The following HSPA14 variants were observed in gnomAD, a reference collection of about 807,000 sequenced individuals.
The protein encoded by HSPA14 is heat shock protein family A (Hsp70) member 14, also known as heat shock 70 kDa protein 14.
Under a neutral mutation model 65.5 loss-of-function variants are expected in HSPA14, and 37 were observed. That is an observed-to-expected ratio of 0.56 (90% CI 0.43 to 0.74). HSPA14 has a LOEUF of 0.74. Among genes scored for constraint, HSPA14 ranks in the 30% least tolerant of loss-of-function variants. HSPA14 has a pLI of 0.00. For missense variants in HSPA14, 564 were observed against 607.6 expected (o/e 0.93, Z 0.75); for synonymous variants, 203 against 214.2 (o/e 0.95, Z 0.46).
At chr10:14,838,765 G>A (rs1439722041) in intron 1 of HSPA14, among the ~76,000 whole-genome samples, 1 of 152,120 alleles carries the variant, frequency 6.6e-6, no homozygotes, top group African/African-American at 2.4e-5. Context: ...TGCCCGGGGG[G>A]GTCCCGGAGA....
At chr10:14,838,543 C>A in intron 1 of HSPA14, 84 bp downstream of exon 1, 2 of 1,340,524 alleles carry the variant, frequency 1.5e-6, no homozygotes, top group African/African-American at 1.4e-5. Flanking sequence ...TTGAGAGCGG[C>A]GTGTCGCCGG....
intron 10 of HSPA14, among the ~76,000 whole-genome samples, chr10:14,864,164 G>A (rs1832783209): frequency 6.6e-6 from 1 of 150,686 alleles, no homozygotes; most frequent in African/African-American, 2.4e-5. Context: ...AGGAATTTGA[G>A]GCTGCAGTGA....
chr10:14,868,526 C>CACACACACACACAT (rs879368010), intron 12 of HSPA14, among the ~76,000 whole-genome samples: 6 of 152,078 alleles, frequency 3.9e-5, no homozygotes, highest in African/African-American at 1.4e-4. Flanking sequence ...CACACACACA[C>CACACACACACACAT]GGACTGCAGA....
At chr10:14,856,106 G>C (rs1195792972) in intron 10 of HSPA14, among the ~76,000 whole-genome samples, 163 bp downstream of exon 10, 1 of 152,102 alleles carries the variant, frequency 6.6e-6, no homozygotes, top group East Asian at 1.9e-4. Context: ...TAATGGCTCT[G>C]GTGAACTCAT....
Position 14,866,278 on chromosome 10 carries a change from G to A in HSPA14, c.994-805G>A, listed in dbSNP as rs147486881. ...CCTACAGCTGATGTTCCTCATGCTC[G>A]TACCTGGAGATTAATAGGGTGTCCC... is the stretch of plus-strand genomic sequence containing the variant. On this transcript the variant is annotated intron_variant, in intron 10 of 13. Coordinates refer to ENST00000378372, the MANE Select transcript of HSPA14 (RefSeq NM_016299.4). Among the ~76,000 whole-genome samples, 11 of 152,206 alleles carry A rather than the reference G, an allele frequency of 7.2e-5. No homozygotes were observed. The South Asian group carries it at 1.2e-3, about 17-fold the overall frequency.
chr10:14,845,299 A>C, intron 3 of HSPA14: 2 of 985,412 alleles, frequency 2.0e-6, no homozygotes, highest in Non-Finnish European at 2.4e-6. Context: ...AATAATCTAG[A>C]AGTTGGAAAA....
intron 10 of HSPA14, among the ~76,000 whole-genome samples, chr10:14,865,118 T>G (rs529727530): frequency 2.6e-5 from 4 of 152,268 alleles, no homozygotes; most frequent in East Asian, 3.8e-4. Flanking sequence ...CATAAATGTC[T>G]TCTTTTGAGA....
intron 3 of HSPA14, chr10:14,845,290 A>G: frequency 1.0e-6 from 1 of 985,430 alleles, no homozygotes; most frequent in Non-Finnish European, 1.2e-6. Flanking sequence ...AAGTTTTCCA[A>G]TAATCTAGAA....
At position 14,840,133 on chromosome 10, in the gene HSPA14, A is replaced by G; in HGVS notation, c.197A>G (p.Lys66Arg). 1 of 1,472,486 alleles carries G rather than the reference A, an allele frequency of 6.8e-7. No homozygotes were observed. The highest frequency in any genetic ancestry group is 1.6e-5 in the South Asian group (1 of 64,030). The allele number at this position is 1,472,486 out of a possible 1,614,324, so 91.2% of individuals were successfully genotyped here. ...RIRNISNTVM[K>R]VKQILGRSSS... ...AGAAATATTTCAAATACAGTAATGA[A>G]AGTAAAGCAGATCCTGGGCAGAAGG... Residue 66 changes from lysine (K) to arginine (R), a missense_variant, in exon 3 of 14, where the codon AAA (lysine) becomes AGA (arginine). Transcript: ENST00000378372.
Position 14,867,887 on chromosome 10 carries a change from A to C in HSPA14, c.1358A>C (p.Lys453Thr), listed in dbSNP as rs1338231869. The C allele has an allele frequency of 4.3e-6, 7 of 1,613,468 alleles. No homozygotes were observed. The highest frequency in any genetic ancestry group is 1.3e-5 in the African/African-American group (1 of 74,890). The change falls in exon 12 of 14, where the codon AAA (lysine) becomes ACA (threonine). Residue 453 changes from lysine to threonine, a missense_variant. By Grantham distance (78) the Lys-to-Thr change is moderately conservative (BLOSUM62 -1). Transcript: ENST00000378372. The part of the protein sequence containing the change: ...LYESDGKNSA[K>T]EETKFAQVVL... ...GAGTCTGATGGGAAGAACTCTGCCA[A>C]AGAGGAAACCAAGTTTGCACAGGTG...
At chr10:14,862,405 C>T (rs1199865579) in intron 10 of HSPA14, among the ~76,000 whole-genome samples, 5 of 120,910 alleles carry the variant, frequency 4.1e-5, no homozygotes, top group Non-Finnish European at 6.8e-5. Context: ...GACGGAGTGT[C>T]GTTCTGTCGC....
chr10:14,848,726 G>A, intron 4 of HSPA14, 64 bp from the exon 5 acceptor site: 3 of 1,453,866 alleles, frequency 2.1e-6, no homozygotes, highest in Admixed American at 1.8e-5. Context: ...ATGGAATGTT[G>A]ATTTGAAACT....
At chr10:14,856,517 T>A (rs1392110623) in intron 10 of HSPA14, among the ~76,000 whole-genome samples, 1 of 152,234 alleles carries the variant, frequency 6.6e-6, no homozygotes, top group Non-Finnish European at 1.5e-5. Flanking sequence ...GTTTAGTATT[T>A]TCTTTTTTTT....
chr10:14,845,825 G>C (rs1187578764), intron 3 of HSPA14: 1 of 201,930 alleles, frequency 5.0e-6, no homozygotes, highest in African/African-American at 2.4e-5. Flanking sequence ...GCCTCCCAAA[G>C]TGCTGAGATT....
chr10:14,855,960 TTTC>T lies in HSPA14; in HGVS notation c.993+20_993+22del. 7.2e-7 allele frequency: 1 copy of T among 1,385,806 alleles called. No individual in the cohort carries two copies. Among genetic ancestry groups the T allele is most frequent in the South Asian group, 1.2e-5 (1 of 85,956 alleles). 85.8% of individuals were successfully genotyped at this position (1,385,806 alleles called of 1,614,324 possible). Reference sequence around the variant, plus strand: ...ATCAACAAGGTAATGCTTTTACATTTTTCTTAACTATTTTAGGTGTAGTTTCAG... The same window carrying T: ...ATCAACAAGGTAATGCTTTTACATTTTTAACTATTTTAGGTGTAGTTTCAG... On this transcript the variant is annotated intron_variant, in intron 10 of 13. Coordinates refer to ENST00000378372, the MANE Select transcript of HSPA14 (RefSeq NM_016299.4).
At chr10:14,863,922 C>A (rs1047258619) in intron 10 of HSPA14, among the ~76,000 whole-genome samples, 2 of 151,946 alleles carry the variant, frequency 1.3e-5, no homozygotes, top group African/African-American at 4.8e-5. Context: ...GGCTCTTAAC[C>A]ACCCTCCCTC....
Position 14,851,111 on chromosome 10 carries a change from C to T in HSPA14, c.468-108C>T, listed in dbSNP as rs1168605803. On this transcript the variant is annotated intron_variant, in intron 6 of 13. Transcript: ENST00000378372. ...AAAGATCATTATACTTCATGTTCTA[C>T]TTATGAAATTTTAGTAGCTTTTGTA... is the stretch of plus-strand genomic sequence containing the variant. 5 of 673,954 alleles carry T rather than the reference C, an allele frequency of 7.4e-6. No homozygotes were observed. The East Asian group carries it at 1.3e-4, about 17-fold the overall frequency. The allele number at this position is 673,954 out of a possible 1,614,324, so 41.7% of individuals were successfully genotyped here.
chr10:14,857,178 G>C (rs573303336), intron 10 of HSPA14, among the ~76,000 whole-genome samples: 1 of 152,256 alleles, frequency 6.6e-6, no homozygotes, highest in South Asian at 2.1e-4. Flanking sequence ...GTTTTTCACT[G>C]TGGTCCTGTT....
Position 14,839,913 on chromosome 10 carries a change from G to A in HSPA14, c.66G>A (p.Arg22=). ...CGTGTTTTTTTCTCTAGGATGGCCG[G>A]GCTGGTGTGGTTGCAAATGATGCCG... The part of the protein sequence containing the change: ...SACVAVYKDG[R]AGVVANDAGD... The change falls in exon 2 of 14, where the codon CGG becomes CGA. Residue 22 remains arginine, a synonymous_variant. Transcript: ENST00000378372. 2 of 1,612,706 alleles carry A rather than the reference G, an allele frequency of 1.2e-6. No homozygotes were observed. The highest frequency in any genetic ancestry group is 1.7e-6 in the Non-Finnish European group (2 of 1,179,168).
Sources: allele counts gnomAD v4.1 joint callset (sites outside exome capture counted in the v4.1 genomes callset), GRCh38; gene constraint gnomAD v4.1.1; transcripts MANE v1.5; gene names NCBI Gene and HGNC (gene_info 2026-07-23, HGNC 2026-07-21).